RALGPS1: variants seen among roughly 807,000 people sequenced by gnomAD.
RALGPS1 encodes the protein ras-specific guanine nucleotide-releasing factor RalGPS1.
In RALGPS1, 19 loss-of-function variants were observed where a neutral mutation model predicts 78.8. The observed-to-expected ratio is 0.24, with a 90% CI of 0.17 to 0.35. RALGPS1 has a LOEUF of 0.35. Among genes scored for constraint, RALGPS1 ranks in the 10% least tolerant of loss-of-function variants. The probability of loss-of-function intolerance (pLI) is 1.00; values close to 1 mark genes in which losing one functional copy is unlikely to be tolerated. For synonymous variants in RALGPS1, 228 were observed against 256.3 expected, an observed-to-expected ratio of 0.89 and a Z score of 1.06; for missense variants, 454 against 688.3, an observed-to-expected ratio of 0.66 and a Z score of 3.81.
Position 127,212,260 on chromosome 9 carries a change from G to A in RALGPS1, c.1353+24G>A, listed in dbSNP as rs748362005. The A allele has an allele frequency of 1.9e-5, 29 of 1,542,200 alleles. No individual in the cohort carries two copies. The highest frequency in any genetic ancestry group is 3.4e-4 in the Middle Eastern group (2 of 5,896). On this transcript the variant is annotated intron_variant, in intron 15 of 18. Coordinates refer to ENST00000259351, the MANE Select transcript of RALGPS1 (RefSeq NM_014636.3). The surrounding 1 kb of genome is among the most constrained non-coding windows in gnomAD (Gnocchi z 6.0). Reference sequence around the variant, plus strand: ...CGGTAAGTACAGACCCACATCCACCGGGGCAGCAGGGGCTTCCACATCTGT... The same window carrying A: ...CGGTAAGTACAGACCCACATCCACCAGGGCAGCAGGGGCTTCCACATCTGT...
intron 4 of RALGPS1, among the ~76,000 whole-genome samples, chr9:126,999,106 A>T (rs982149011): frequency 6.6e-6 from 1 of 151,566 alleles, no homozygotes; most frequent in Non-Finnish European, 1.5e-5. Flanking sequence ...AACATGGCAC[A>T]TGTATACATA....
chr9:126,967,637 A>G (rs957316499), intron 3 of RALGPS1, among the ~76,000 whole-genome samples: 7 of 152,154 alleles, frequency 4.6e-5, no homozygotes, highest in Non-Finnish European at 8.8e-5. Context: ...CCCTGGCTCA[A>G]GTGATCCTCC....
intron 4 of RALGPS1, among the ~76,000 whole-genome samples, chr9:126,999,294 G>A (rs183260818): frequency 6.6e-6 from 1 of 152,124 alleles, no homozygotes; most frequent in East Asian, 1.9e-4. Flanking sequence ...CCCCAGAGTG[G>A]ATTTGTTAAA....
rs573797565 is a variant in RALGPS1, at chr9:126,931,959, G to A, written c.-66+16984G>A. ...AGTTGATAGAGGAGCAATGTGTTGG[G>A]ATTAGCATAGTCCACAGACATGTTT... On this transcript the variant is annotated intron_variant, in intron 1 of 18. Transcript: ENST00000259351. Among the ~76,000 whole-genome samples the A allele has an allele frequency of 1.1e-4, 17 of 149,752 alleles. No individual in the cohort carries two copies. In the South Asian group the frequency reaches 3.7e-3, roughly 32 times the overall value.
intron 1 of RALGPS1, among the ~76,000 whole-genome samples, chr9:126,916,888 T>C (rs2034223966): frequency 6.6e-6 from 1 of 152,174 alleles, no homozygotes; most frequent in African/African-American, 2.4e-5. Flanking sequence ...GACAGGGCTT[T>C]TTCTGAATTT....
intron 4 of RALGPS1, among the ~76,000 whole-genome samples, chr9:126,997,194 A>G (rs1473103117): frequency 6.6e-6 from 1 of 152,320 alleles, no homozygotes; most frequent in East Asian, 1.9e-4. Context: ...GCATTGAGGC[A>G]GGAGAAGGAA....
At chr9:127,106,595 G>A (rs1457777378) in intron 8 of RALGPS1, among the ~76,000 whole-genome samples, 2 of 152,214 alleles carry the variant, frequency 1.3e-5, no homozygotes, top group Admixed American at 1.3e-4. Context: ...AATCAGTGGT[G>A]GAAACCGGAT....
At chr9:127,038,361 T>C (rs1224051223) in intron 5 of RALGPS1, among the ~76,000 whole-genome samples, 1 of 152,226 alleles carries the variant, frequency 6.6e-6, no homozygotes, top group African/African-American at 2.4e-5. Flanking sequence ...AACAACTTGC[T>C]CAAATTTACA....
At chr9:127,173,903 C>T (rs1481068512) in intron 10 of RALGPS1, among the ~76,000 whole-genome samples, 1 of 152,126 alleles carries the variant, frequency 6.6e-6, no homozygotes, top group Non-Finnish European at 1.5e-5. Flanking sequence ...ATCCCACCTA[C>T]TTGGGAGGCT....
Position 127,195,059 on chromosome 9 carries a change from C to T in RALGPS1, c.911-32C>T, listed in dbSNP as rs563136755. On this transcript the variant is annotated intron_variant, in intron 11 of 18. Transcript: ENST00000259351. ...CAGCCCCTCACCCTCCCATCATAAC[C>T]CCCGTTGTTGCTCTCTCTGCTCTGT... is the stretch of plus-strand genomic sequence containing the variant. The T allele has an allele frequency of 5.0e-5, 80 of 1,610,494 alleles. No individual in the cohort carries two copies. In the East Asian group the frequency reaches 1.7e-3, roughly 34 times the overall value.
At chr9:127,049,686 C>T (rs2048129060) in intron 5 of RALGPS1, among the ~76,000 whole-genome samples, 1 of 152,192 alleles carries the variant, frequency 6.6e-6, no homozygotes, top group Admixed American at 6.5e-5. Context: ...TATGATCTCC[C>T]CACAACTGGG....
chr9:127,086,123 G>GAC (rs150056282), intron 8 of RALGPS1, among the ~76,000 whole-genome samples: 5 of 151,948 alleles, frequency 3.3e-5, no homozygotes, highest in Admixed American at 2.0e-4. Flanking sequence ...CGCGCACACG[G>GAC]ACACACACAC....
chr9:127,005,245 A>G (rs952645317), intron 4 of RALGPS1, among the ~76,000 whole-genome samples: 1 of 152,246 alleles, frequency 6.6e-6, no homozygotes, highest in Admixed American at 6.5e-5. Context: ...CTGTACCTGC[A>G]TGTTGTCAGC....
chr9:127,005,780 G>A (rs1338243579), intron 4 of RALGPS1, among the ~76,000 whole-genome samples: 2 of 152,186 alleles, frequency 1.3e-5, no homozygotes, highest in Non-Finnish European at 2.9e-5. Context: ...TTTTGGCCAT[G>A]TGAGTGAGGT....
chr9:126,931,868 A>G (rs2035818929), intron 1 of RALGPS1, among the ~76,000 whole-genome samples: 1 of 152,242 alleles, frequency 6.6e-6, no homozygotes, highest in Non-Finnish European at 1.5e-5. Flanking sequence ...AGAACCAGCC[A>G]TCATCTCATT....
intron 5 of RALGPS1, among the ~76,000 whole-genome samples, chr9:127,041,598 C>T (rs2047329488): frequency 6.6e-6 from 1 of 152,120 alleles, no homozygotes; most frequent in African/African-American, 2.4e-5. Context: ...TGGACAGTTA[C>T]GTCTGGTTCT....
intron 2 of RALGPS1, among the ~76,000 whole-genome samples, chr9:126,962,889 A>G (rs2132155336): frequency 1.3e-5 from 2 of 152,298 alleles, no homozygotes; most frequent in African/African-American, 4.8e-5. Flanking sequence ...CCACCACCCT[A>G]TTGTGTGTGT....
intron 8 of RALGPS1, among the ~76,000 whole-genome samples, chr9:127,150,027 G>C (rs2058330050): frequency 6.6e-6 from 1 of 152,220 alleles, no homozygotes; most frequent in Non-Finnish European, 1.5e-5. Flanking sequence ...CCAGACTCAA[G>C]AGTCAGACCT....
At chr9:126,944,124 G>A (rs911486162) in intron 1 of RALGPS1, among the ~76,000 whole-genome samples, 1 of 152,248 alleles carries the variant, frequency 6.6e-6, no homozygotes, top group African/African-American at 2.4e-5. Flanking sequence ...CCGCCAGCCA[G>A]CAGCAGTGTA....
Sources: gnomAD v4.1 joint callset for allele counts (sites outside exome capture counted in the v4.1 genomes callset) on GRCh38, gnomAD v4.1.1 for gene constraint, Gnocchi (gnomAD v3.1) non-coding constraint, MANE v1.5 for transcripts, NCBI Gene and HGNC (gene_info 2026-07-23, HGNC 2026-07-21) for gene names.